The following CCSER1 variants were observed in gnomAD, a reference collection of about 807,000 sequenced individuals.
CCSER1 encodes coiled-coil serine rich protein 1.
A neutral mutation model predicts 82.0 loss-of-function variants in CCSER1; 41 were observed. The ratio of observed to expected loss-of-function variants is 0.50; its 90% CI spans 0.39 to 0.65. CCSER1 has a LOEUF of 0.65. Among genes scored for constraint, CCSER1 ranks in the 30% least tolerant of loss-of-function variants. The probability of loss-of-function intolerance (pLI) is 0.00; values close to 1 mark genes in which losing one functional copy is unlikely to be tolerated. For synonymous variants in CCSER1, 414 were observed against 383.9 expected, an observed-to-expected ratio of 1.08 and a Z score of -0.92; for missense variants, 1,119 against 1,064.2, an observed-to-expected ratio of 1.05 and a Z score of -0.72.
At chr4:91,116,741 G>C (rs1726650017) in intron 10 of CCSER1, among the ~76,000 whole-genome samples, 1 of 152,120 alleles carries the variant, frequency 6.6e-6, no homozygotes, top group Non-Finnish European at 1.5e-5. Flanking sequence ...AGGCTGCCTT[G>C]TTTGGTCTCC....
intron 1 of CCSER1, among the ~76,000 whole-genome samples, chr4:90,291,741 T>C (rs1172182661): frequency 6.6e-6 from 1 of 151,968 alleles, no homozygotes; most frequent in East Asian, 1.9e-4. Context: ...CAAAGAACAA[T>C]ATAGGCAATA....
intron 4 of CCSER1, chr4:90,403,866 C>T (rs1753308375): frequency 6.6e-6 from 1 of 152,152 alleles, no homozygotes; most frequent in Non-Finnish European, 1.5e-5. Context: ...GCTTGTAGCT[C>T]CTGCTTGGAT....
chr4:91,227,401 C>T (rs995576953), intron 10 of CCSER1, among the ~76,000 whole-genome samples: 16 of 151,618 alleles, frequency 1.1e-4, no homozygotes, highest in African/African-American at 3.4e-4. Context: ...TCATAGAAAC[C>T]GTCAAGAGCA....
intron 10 of CCSER1, among the ~76,000 whole-genome samples, chr4:91,170,540 A>G (rs914439697): frequency 2.0e-5 from 3 of 152,190 alleles, no homozygotes; most frequent in Non-Finnish European, 4.4e-5. Context: ...TCTTGAGGGT[A>G]ATAGAACCCG....
chr4:91,028,991 C>T (rs559062952), intron 9 of CCSER1, among the ~76,000 whole-genome samples: 19 of 152,052 alleles, frequency 1.2e-4, no homozygotes, highest in Admixed American at 1.0e-3. Context: ...TAAAGACAGT[C>T]GTAGTCGTAC....
chr4:90,856,417 C>T (rs1391003603), intron 8 of CCSER1, among the ~76,000 whole-genome samples: 2 of 151,950 alleles, frequency 1.3e-5, no homozygotes, highest in African/African-American at 4.8e-5. Flanking sequence ...ACTTTATATT[C>T]TTGATAGTTT....
At chr4:90,352,707 C>T (rs535189880) in intron 3 of CCSER1, among the ~76,000 whole-genome samples, 1 of 151,182 alleles carries the variant, frequency 6.6e-6, no homozygotes, top group Non-Finnish European at 1.5e-5. Flanking sequence ...CACACACACA[C>T]GCAGATAGTA....
chr4:91,182,923 A>G (rs140693827), intron 10 of CCSER1, among the ~76,000 whole-genome samples: 18 of 152,380 alleles, frequency 1.2e-4, no homozygotes, highest in African/African-American at 3.8e-4. Flanking sequence ...ATCCCTGTAT[A>G]ATAGCTTTAG....
At chr4:90,234,844 A>T (rs999445212) in intron 1 of CCSER1, among the ~76,000 whole-genome samples, 4 of 152,182 alleles carry the variant, frequency 2.6e-5, no homozygotes, top group Non-Finnish European at 5.9e-5. Context: ...ATTAAATGGC[A>T]GTCCTTAGTT....
intron 9 of CCSER1, among the ~76,000 whole-genome samples, chr4:90,956,672 C>T (rs1733462603): frequency 6.6e-6 from 1 of 151,710 alleles, no homozygotes; most frequent in Non-Finnish European, 1.5e-5. Flanking sequence ...TTAACAGACA[C>T]TTTAAGAAGT....
At chr4:90,164,413 A>T (rs936150709) in intron 1 of CCSER1, among the ~76,000 whole-genome samples, 3 of 152,078 alleles carry the variant, frequency 2.0e-5, no homozygotes, top group Non-Finnish European at 4.4e-5. Flanking sequence ...AGGAATAGTA[A>T]TTTTTTCTTT....
intron 10 of CCSER1, among the ~76,000 whole-genome samples, chr4:91,099,985 C>T (rs1184907732): frequency 6.6e-6 from 1 of 152,096 alleles, no homozygotes; most frequent in Non-Finnish European, 1.5e-5. Flanking sequence ...CAAAAGACAG[C>T]TTTGCAGGGC....
At chr4:90,226,355 A>G (rs1383030532) in intron 1 of CCSER1, among the ~76,000 whole-genome samples, 1 of 152,234 alleles carries the variant, frequency 6.6e-6, no homozygotes, top group African/African-American at 2.4e-5. Context: ...CTTCATCTCC[A>G]TATACTGAAG....
chr4:90,801,536 G>C (rs1170269103), intron 7 of CCSER1, among the ~76,000 whole-genome samples: 2 of 152,076 alleles, frequency 1.3e-5, no homozygotes, highest in African/African-American at 4.8e-5. Flanking sequence ...TTCCTCAATT[G>C]CTTGAAAATC....
chr4:90,781,091 G>C (rs1200493030), intron 7 of CCSER1: 1 of 182,584 alleles, frequency 5.5e-6, no homozygotes, highest in Non-Finnish European at 1.0e-5. Flanking sequence ...GATCTCACAA[G>C]AACTCACTAT....
At chr4:91,496,696 C>CAATATATTTG (rs1758875552) in intron 10 of CCSER1, among the ~76,000 whole-genome samples, 1 of 15,030 alleles carries the variant, frequency 6.7e-5, no homozygotes, top group Non-Finnish European at 1.5e-4. Context: ...TATATATATT[C>CAATATATTTG]AATATATATA....
At chr4:90,929,271 A>G (rs1337984488) in intron 9 of CCSER1, among the ~76,000 whole-genome samples, 1 of 152,176 alleles carries the variant, frequency 6.6e-6, no homozygotes, top group East Asian at 1.9e-4. Context: ...TTATAATTCT[A>G]AAAATTTATA....
intron 7 of CCSER1, among the ~76,000 whole-genome samples, chr4:90,784,885 AAG>A (rs1333118834): frequency 5.3e-5 from 8 of 152,008 alleles, no homozygotes; most frequent in Non-Finnish European, 8.8e-5. Flanking sequence ...TCATAAGAAA[AAG>A]AAAATATATA....
chr4:90,997,766 T>C (rs540568180), intron 9 of CCSER1, among the ~76,000 whole-genome samples: 2 of 152,306 alleles, frequency 1.3e-5, no homozygotes, highest in African/African-American at 4.8e-5. Flanking sequence ...AAAGATTTCC[T>C]CTTACTAAAT....
Sources: gnomAD v4.1 joint callset for allele counts (sites outside exome capture counted in the v4.1 genomes callset) on GRCh38, gnomAD v4.1.1 for gene constraint, MANE v1.5 for transcripts, NCBI Gene and HGNC (gene_info 2026-07-23, HGNC 2026-07-21) for gene names.